Variants in GPHN observed in about 807,000 individuals in gnomAD.
GPHN encodes gephyrin.
Under a neutral mutation model 95.5 loss-of-function variants are expected in GPHN, and 17 were observed. That is an observed-to-expected ratio of 0.18 (90% CI 0.12 to 0.27). GPHN has a LOEUF of 0.27. Among genes scored for constraint, GPHN ranks in the 10% least tolerant of loss-of-function variants. The pLI, the probability that GPHN is intolerant of heterozygous loss-of-function variation, is 1.00. For synonymous variants in GPHN, 320 were observed against 322.5 expected, an observed-to-expected ratio of 0.99 and a Z score of 0.08; for missense variants, 660 against 978.1, an observed-to-expected ratio of 0.67 and a Z score of 4.34.
At chr14:67,293,821 T>G in the GPHN span, among the ~76,000 whole-genome samples, 78,270 of 151,968 alleles carry the variant, frequency 0.52, 23,424 homozygotes, top group African/African-American at 0.83. Flanking sequence ...TCCTGTCCCT[T>G]TTAGGAGGAA....
chr14:67,645,908 C>T, the GPHN span: 1 of 1,274,218 alleles, frequency 7.8e-7, no homozygotes, highest in Non-Finnish European at 1.1e-6. Context: ...GTGTGGATTA[C>T]CACTCCTTCA....
At chr14:67,491,013 C>T in the GPHN span, among the ~76,000 whole-genome samples, 1 of 152,160 alleles carries the variant, frequency 6.6e-6, no homozygotes, top group East Asian at 1.9e-4. Context: ...GCAGATCCCA[C>T]ATTCTGAGGG....
intron 5 of GPHN, among the ~76,000 whole-genome samples, chr14:66,895,539 T>G (rs1195810211): frequency 6.6e-6 from 1 of 152,114 alleles, no homozygotes; most frequent in African/African-American, 2.4e-5. Context: ...AAATAAAAAA[T>G]GGAAATAATA....
In GPHN at chr14:66,508,206, G is replaced by C. The variant is rs1470834836; in HGVS notation, c.-322G>C. The C allele has an allele frequency of 5.8e-6, 3 of 514,256 alleles. No individual in the cohort carries two copies. The highest frequency in any genetic ancestry group is 1.1e-5 in the Non-Finnish European group (3 of 282,470). 31.9% of individuals were successfully genotyped at this position (514,256 alleles called of 1,614,324 possible). ...GGTCTCGCGCTCCGCAGAGCGTTCC[G>C]ACACTCTCCGGCCTCGTTCTGCCGC... On this transcript the variant is annotated 5_prime_UTR_variant, in exon 1 of 23. Transcript: ENST00000478722.
intron 2 of GPHN, among the ~76,000 whole-genome samples, chr14:66,757,120 A>G (rs529031833): frequency 6.6e-6 from 1 of 152,156 alleles, no homozygotes; most frequent in Non-Finnish European, 1.5e-5. Flanking sequence ...GTGGTTATGT[A>G]TGAGGTGGAG....
intron 10 of GPHN, among the ~76,000 whole-genome samples, chr14:67,047,976 A>G (rs897121179): frequency 2.0e-5 from 3 of 152,340 alleles, no homozygotes; most frequent in Non-Finnish European, 2.9e-5. Context: ...AAGATGAAAC[A>G]TTGTATATTA....
At chr14:66,889,186 A>G (rs1372713378) in intron 5 of GPHN, among the ~76,000 whole-genome samples, 2 of 152,122 alleles carry the variant, frequency 1.3e-5, no homozygotes, top group Non-Finnish European at 2.9e-5. Context: ...AATGGATAGA[A>G]CAGCCACACA....
chr14:66,538,922 C>T (rs1449875539), intron 1 of GPHN, among the ~76,000 whole-genome samples: 3 of 151,910 alleles, frequency 2.0e-5, no homozygotes, highest in South Asian at 2.1e-4. Context: ...TGATATCTTC[C>T]ACCAGAGATG....
chr14:67,390,138 T>TA, the GPHN span, among the ~76,000 whole-genome samples: 1 of 152,380 alleles, frequency 6.6e-6, no homozygotes, highest in African/African-American at 2.4e-5. Context: ...CATGTGGTAA[T>TA]ACCTAGTATC....
At chr14:66,727,911 G>T (rs1371343303) in intron 2 of GPHN, among the ~76,000 whole-genome samples, 1 of 152,204 alleles carries the variant, frequency 6.6e-6, no homozygotes, top group African/African-American at 2.4e-5. Flanking sequence ...TGTCACCAGG[G>T]CATGTAGGAG....
intron 5 of GPHN, among the ~76,000 whole-genome samples, chr14:66,900,064 CTTA>C (rs535850901): frequency 2.6e-4 from 40 of 152,018 alleles, no homozygotes; most frequent in Admixed American, 1.6e-3. Context: ...CTAGTATTCT[CTTA>C]TTGTTATTTT....
the GPHN span, among the ~76,000 whole-genome samples, chr14:67,187,167 A>G: frequency 6.6e-6 from 1 of 152,214 alleles, no homozygotes; most frequent in African/African-American, 2.4e-5. Flanking sequence ...CTTATGATAC[A>G]TGACACATAT....
At chr14:67,683,527 C>T in the GPHN span, among the ~76,000 whole-genome samples, 3 of 152,176 alleles carry the variant, frequency 2.0e-5, no homozygotes, top group African/African-American at 7.2e-5. Flanking sequence ...CAATAGCAAC[C>T]TGATTTCCTT....
intron 1 of GPHN, among the ~76,000 whole-genome samples, chr14:66,628,830 C>G (rs1161626509): frequency 6.6e-6 from 1 of 151,574 alleles, no homozygotes; most frequent in Non-Finnish European, 1.5e-5. Flanking sequence ...GAGGGTGAAG[C>G]AGGAAGATTG....
chr14:67,083,289 G>A (rs1337010752), intron 11 of GPHN, among the ~76,000 whole-genome samples: 1 of 152,070 alleles, frequency 6.6e-6, no homozygotes, highest in East Asian at 1.9e-4. Context: ...TGGAAGTGGG[G>A]CCTAGTGGGA....
At position 66,894,661 on chromosome 14, in the gene GPHN, G is replaced by A. The variant is rs1196200840; in HGVS notation, c.389+14628G>A. 3.3e-5 allele frequency among the ~76,000 whole-genome samples: 5 copies of A among 152,042 alleles called. No individual in the cohort carries two copies. The South Asian group carries it at 1.0e-3, about 32-fold the overall frequency. On this transcript the variant is annotated intron_variant, in intron 5 of 22. Coordinates refer to ENST00000478722, the MANE Select transcript of GPHN (RefSeq NM_020806.5). ...ATCTACAAAGCACTCAAACAAATTT[G>A]CAAGAAAAAAACAACCCCATCAACA...
chr14:67,078,213 C>T (rs373785977), intron 11 of GPHN, among the ~76,000 whole-genome samples: 3 of 152,222 alleles, frequency 2.0e-5, no homozygotes, highest in East Asian at 1.9e-4. Flanking sequence ...TGTTCCTAAG[C>T]AAGCATATTA....
At chr14:66,857,940 C>G (rs947061961) in intron 4 of GPHN, among the ~76,000 whole-genome samples, 3 of 152,164 alleles carry the variant, frequency 2.0e-5, no homozygotes, top group Non-Finnish European at 2.9e-5. Context: ...AGGCTTAACT[C>G]AACTGAATAC....
the GPHN span, among the ~76,000 whole-genome samples, chr14:67,208,896 CA>C: frequency 0.051 from 3,334 of 65,632 alleles, 30 homozygotes; most frequent in Non-Finnish European, 0.07. Context: ...AACTCTGTCT[CA>C]AAAAAAAAAA....
Sources: gnomAD v4.1 joint callset for allele counts (sites outside exome capture counted in the v4.1 genomes callset) on GRCh38, gnomAD v4.1.1 for gene constraint, MANE v1.5 for transcripts, NCBI Gene and HGNC (gene_info 2026-07-23, HGNC 2026-07-21) for gene names.